The following RSPH14 variants were observed in gnomAD, a reference collection of about 807,000 sequenced individuals.
RSPH14 encodes the protein radial spoke head 14 homolog.
In RSPH14, 20 loss-of-function variants were observed where a neutral mutation model predicts 26.7. The ratio of observed to expected loss-of-function variants is 0.75; its 90% CI spans 0.53 to 1.09. RSPH14 has a LOEUF of 1.09. Ranked by LOEUF, RSPH14 falls within the 50% of genes least tolerant of loss-of-function variation. The pLI is 0.00. For missense variants in RSPH14, 449 were observed against 457.2 expected, an observed-to-expected ratio of 0.98 and a Z score of 0.16; for synonymous variants, 177 against 189.3, an observed-to-expected ratio of 0.93 and a Z score of 0.53.
the RSPH14 span, among the ~76,000 whole-genome samples, chr22:23,174,762 A>G: frequency 6.6e-6 from 1 of 151,706 alleles, no homozygotes; most frequent in East Asian, 2.0e-4. Flanking sequence ...TGAGGTTGGG[A>G]GTTCGCAACC....
At chr22:23,110,445 G>A (rs539466625) in intron 4 of RSPH14, among the ~76,000 whole-genome samples, 1 of 152,310 alleles carries the variant, frequency 6.6e-6, no homozygotes, top group East Asian at 1.9e-4. Flanking sequence ...CTCCAGCCAG[G>A]AACAGGTCAC....
chr22:23,153,095 A>G, the RSPH14 span: 2 of 1,614,058 alleles, frequency 1.2e-6, no homozygotes, highest in East Asian at 2.2e-5. Context: ...TTTGAAATTG[A>G]GCGCTTTGAG....
At chr22:23,117,021 C>G (rs964056389) in intron 4 of RSPH14, among the ~76,000 whole-genome samples, 1 of 152,172 alleles carries the variant, frequency 6.6e-6, no homozygotes, top group Non-Finnish European at 1.5e-5. Context: ...GCTGGGGGAT[C>G]TGTGCGCCTC....
chr22:23,118,459 C>T (rs959135563), intron 4 of RSPH14, among the ~76,000 whole-genome samples: 9 of 152,142 alleles, frequency 5.9e-5, no homozygotes, highest in Non-Finnish European at 1.2e-4. Context: ...GTGTTTCTGC[C>T]TCCCTCTTCC....
intron 4 of RSPH14, among the ~76,000 whole-genome samples, chr22:23,112,239 C>T (rs1467180207): frequency 6.6e-6 from 1 of 152,330 alleles, no homozygotes; most frequent in Admixed American, 6.5e-5. Flanking sequence ...CTTCTGCTTC[C>T]CCAGCTGCCA....
the RSPH14 span, among the ~76,000 whole-genome samples, chr22:23,160,168 G>A: frequency 4.6e-5 from 7 of 152,148 alleles, no homozygotes; most frequent in Admixed American, 6.5e-5. Context: ...GAGGGTTGGC[G>A]TCACAAGTAG....
chr22:23,068,629 C>T (rs1449178149), intron 4 of RSPH14, among the ~76,000 whole-genome samples: 3 of 152,264 alleles, frequency 2.0e-5, no homozygotes, highest in Non-Finnish European at 4.4e-5. Context: ...AGGGCCATCT[C>T]ACTGTTGCAT....
chr22:23,141,971 T>G lies in RSPH14; in HGVS notation c.-75A>C, dbSNP rs953762647. ...CACCTGCCTCCGCAGCCCTTTCTGC[T>G]TCCAGTAGCCCGCGCCACTGGCCAA... On this transcript the variant is annotated 5_prime_UTR_variant, in exon 1 of 7. Transcript: ENST00000216036. The G allele has an allele frequency of 3.0e-6, 3 of 985,558 alleles. No homozygotes were observed. The African/African-American group carries it at 5.2e-5, about 17-fold the overall frequency. 61.1% of individuals were successfully genotyped at this position (985,558 alleles called of 1,614,324 possible).
the RSPH14 span, chr22:23,162,664 C>G: frequency 1.8e-5 from 8 of 456,216 alleles, no homozygotes; most frequent in Admixed American, 7.0e-5. Context: ...ACCAGCCCCA[C>G]AGCCCCAGGC....
chr22:23,117,779 C>CG (rs2069894620), intron 4 of RSPH14, among the ~76,000 whole-genome samples: 1 of 152,214 alleles, frequency 6.6e-6, no homozygotes, highest in Non-Finnish European at 1.5e-5. Flanking sequence ...CAGCATGCAC[C>CG]GGCAGTGAGT....
At chr22:23,091,063 C>G (rs2068957486) in intron 4 of RSPH14, among the ~76,000 whole-genome samples, 1 of 152,230 alleles carries the variant, frequency 6.6e-6, no homozygotes, top group Non-Finnish European at 1.5e-5. Context: ...ATGCCACATG[C>G]AACCACATGC....
chr22:23,128,771 A>G (rs756389604), intron 4 of RSPH14, among the ~76,000 whole-genome samples: 6 of 152,232 alleles, frequency 3.9e-5, no homozygotes, highest in Non-Finnish European at 7.3e-5. Context: ...AGGAATGAGC[A>G]AGCAGGTAAG....
intron 4 of RSPH14, among the ~76,000 whole-genome samples, chr22:23,083,342 A>T (rs1206441900): frequency 6.6e-6 from 1 of 152,038 alleles, no homozygotes; most frequent in African/African-American, 2.4e-5. Flanking sequence ...CTCCAGGAGG[A>T]GGCCATGGGT....
the RSPH14 span, chr22:23,153,537 G>T: frequency 2.0e-6 from 2 of 982,808 alleles, no homozygotes; most frequent in Non-Finnish European, 2.4e-6. Flanking sequence ...GTAAAATGGG[G>T]TCAAATCCAG....
chr22:23,161,148 C>T, the RSPH14 span: 7 of 1,008,562 alleles, frequency 6.9e-6, no homozygotes, highest in South Asian at 1.0e-4. Context: ...TCACTGCAGC[C>T]TCAGGCCTGT....
intron 4 of RSPH14, among the ~76,000 whole-genome samples, chr22:23,109,196 C>T (rs149586840): frequency 1.3e-5 from 2 of 152,270 alleles, no homozygotes; most frequent in East Asian, 1.9e-4. Flanking sequence ...TACCAGGACC[C>T]GAGCCTCTGG....
intron 3 of RSPH14, chr22:23,137,934 A>G (rs2070511709): frequency 6.5e-6 from 1 of 153,784 alleles, no homozygotes; most frequent in African/African-American, 2.4e-5. Context: ...CTGATGTGGG[A>G]AAGCACCTCC....
rs556778441 is a variant in RSPH14, at chr22:23,060,817, G to C, written c.790+992C>G. ...GGCCTGGCACGTGGCAGGGGCTTCA[G>C]GACCCTCAGCTGGAGTGCCAGCTTG... On this transcript the variant is annotated intron_variant, in intron 6 of 6. Coordinates refer to ENST00000216036, the MANE Select transcript of RSPH14 (RefSeq NM_014433.3). 3.9e-5 allele frequency among the ~76,000 whole-genome samples: 6 copies of C among 152,304 alleles called. No homozygotes were observed. In the East Asian group the frequency reaches 9.6e-4, roughly 24 times the overall value.
chr22:23,108,747 A>G lies in RSPH14; in HGVS notation c.421+25279T>C, dbSNP rs370696345. Among the ~76,000 whole-genome samples the G allele has an allele frequency of 2.0e-5, 3 of 152,334 alleles. No homozygotes were observed. The East Asian group carries it at 5.8e-4, about 29-fold the overall frequency. On this transcript the variant is annotated intron_variant, in intron 4 of 6. Transcript: ENST00000216036. Reference sequence around the variant, plus strand: ...GTCATGGCCTAGGACCTTTCTTCCCAGGCAGGAGTCAGCTCCACCTGCTCT... The same window carrying G: ...GTCATGGCCTAGGACCTTTCTTCCCGGGCAGGAGTCAGCTCCACCTGCTCT...
Sources: gnomAD v4.1 joint callset for allele counts (sites outside exome capture counted in the v4.1 genomes callset) on GRCh38, gnomAD v4.1.1 for gene constraint, MANE v1.5 for transcripts, NCBI Gene and HGNC (gene_info 2026-07-23, HGNC 2026-07-21) for gene names.